Variants in CNTNAP2 observed in about 807,000 individuals in gnomAD.
The protein encoded by CNTNAP2 is contactin associated protein 2.
CNTNAP2 carries 98 observed loss-of-function variants against 155.2 expected under a neutral mutation model. The ratio of observed to expected loss-of-function variants is 0.63; its 90% CI spans 0.54 to 0.75. The LOEUF (loss-of-function observed/expected upper bound fraction) is 0.75. Ranked by LOEUF, CNTNAP2 falls within the 30% of genes least tolerant of loss-of-function variation. The pLI is 0.00. For missense variants in CNTNAP2, 1,727 were observed against 1,688.1 expected (o/e 1.02, Z -0.40); for synonymous variants, 651 against 631.2 (o/e 1.03, Z -0.47).
intron 4 of CNTNAP2, among the ~76,000 whole-genome samples, chr7:147,046,590 G>C (rs558492610): frequency 2.0e-5 from 3 of 150,548 alleles, no homozygotes; most frequent in African/African-American, 7.5e-5. Context: ...TATAGACTTG[G>C]GGGGGTAATA....
intron 13 of CNTNAP2, among the ~76,000 whole-genome samples, chr7:147,758,296 G>T (rs12540410): frequency 0.011 from 1,705 of 152,266 alleles, 98 homozygotes; most frequent in Admixed American, 0.088. Flanking sequence ...CACCGAAAAT[G>T]TATCTCTTAA....
chr7:147,549,033 T>A (rs371926955), intron 11 of CNTNAP2, among the ~76,000 whole-genome samples: 2 of 152,214 alleles, frequency 1.3e-5, no homozygotes, highest in African/African-American at 4.8e-5. Context: ...TGAAGTCAGA[T>A]AGCATGATGC....
At chr7:147,144,070 A>T (rs1459556217) in intron 8 of CNTNAP2, among the ~76,000 whole-genome samples, 7 of 152,102 alleles carry the variant, frequency 4.6e-5, no homozygotes, top group African/African-American at 1.7e-4. Flanking sequence ...TCTACTTGAG[A>T]TCTCAGATCT....
rs1317582927 is a variant in CNTNAP2 at position 148,417,007 on chromosome 7, A to G, written c.*1391A>G. The stretch of plus-strand genomic sequence containing the variant: ...GACAATGCATCCAAAAAATCTTTTT[A>G]AACAGATTACACAAAAATTATTTCC... On this transcript the variant is annotated 3_prime_UTR_variant, in exon 24 of 24. Coordinates refer to ENST00000361727, the MANE Select transcript of CNTNAP2 (RefSeq NM_014141.6). 1 of 152,216 alleles carries G rather than the reference A, an allele frequency of 6.6e-6. No homozygotes were observed. 9.4% of individuals were successfully genotyped at this position (152,216 alleles called of 1,614,324 possible).
intron 19 of CNTNAP2, among the ~76,000 whole-genome samples, chr7:148,222,643 T>C (rs1407327838): frequency 6.6e-6 from 1 of 152,184 alleles, no homozygotes; most frequent in Admixed American, 6.5e-5. Flanking sequence ...CCTCTCAATA[T>C]ACCCATATTA....
intron 16 of CNTNAP2, among the ~76,000 whole-genome samples, chr7:148,131,505 A>G (rs1804831419): frequency 6.6e-6 from 1 of 152,206 alleles, no homozygotes; most frequent in Non-Finnish European, 1.5e-5. Flanking sequence ...TGGCCTGCCT[A>G]TGACCATCTG....
At chr7:147,226,399 C>CA (rs1421418791) in intron 8 of CNTNAP2, among the ~76,000 whole-genome samples, 4 of 152,058 alleles carry the variant, frequency 2.6e-5, no homozygotes, top group Non-Finnish European at 5.9e-5. Flanking sequence ...GGTCTAAAAA[C>CA]AATCATTTAT....
chr7:148,164,644 G>A (rs1323611643), intron 17 of CNTNAP2, among the ~76,000 whole-genome samples: 15 of 112,110 alleles, frequency 1.3e-4, no homozygotes, highest in East Asian at 2.6e-4. Flanking sequence ...TTTTTGAGAC[G>A]GAGTTTCACT....
intron 3 of CNTNAP2, among the ~76,000 whole-genome samples, chr7:146,869,349 C>G (rs1795263530): frequency 6.6e-6 from 1 of 152,056 alleles, no homozygotes; most frequent in Non-Finnish European, 1.5e-5. Flanking sequence ...GTTGAAATAA[C>G]CTTGCATCCC....
intron 21 of CNTNAP2, among the ~76,000 whole-genome samples, chr7:148,327,855 A>G (rs1797919120): frequency 6.6e-6 from 1 of 150,882 alleles, no homozygotes; most frequent in African/African-American, 2.4e-5. Flanking sequence ...CACCGCCCCC[A>G]CCCCTTTCTC....
rs1402024287 is a variant in CNTNAP2, at chr7:148,413,426, ATATATATATATATATATATATT to A, written c.3797-1990_3797-1969del. 1.2e-4 allele frequency among the ~76,000 whole-genome samples: 12 copies of A among 100,244 alleles called. 3 individuals are homozygous for A. The highest frequency in any genetic ancestry group is 4.7e-4 in the African/African-American group (12 of 25,334). The allele number at this position is 100,244 out of a possible 152,430, so 65.8% of individuals were successfully genotyped here. A position where few individuals can be genotyped will look rare whatever the true frequency, so the allele number is the denominator to read the frequency against. ...AATATATATATATATATATATATAT[ATATATATATATATATATATATT>A]GCTCCATAGTTTTCTTGTAACATTT... On this transcript the variant is annotated intron_variant, in intron 23 of 23. Transcript: ENST00000361727.
At chr7:148,193,830 T>C (rs1290945580) in intron 18 of CNTNAP2, among the ~76,000 whole-genome samples, 2 of 151,876 alleles carry the variant, frequency 1.3e-5, no homozygotes, top group Non-Finnish European at 2.9e-5. Context: ...CCATGGAGCC[T>C]CCCATTGTTC....
chr7:147,194,088 C>A (rs901505308), intron 8 of CNTNAP2, among the ~76,000 whole-genome samples: 2 of 151,864 alleles, frequency 1.3e-5, no homozygotes, highest in African/African-American at 2.4e-5. Flanking sequence ...CCTGACCCCC[C>A]ACCCCCCAAC....
At chr7:146,707,630 C>G (rs986265279) in intron 1 of CNTNAP2, among the ~76,000 whole-genome samples, 1 of 152,090 alleles carries the variant, frequency 6.6e-6, no homozygotes, top group Non-Finnish European at 1.5e-5. Context: ...TCAGAAGGGC[C>G]TTGCTCTTTA....
intron 15 of CNTNAP2, among the ~76,000 whole-genome samples, chr7:148,103,849 A>G (rs1482137654): frequency 6.6e-6 from 1 of 152,176 alleles, no homozygotes; most frequent in Non-Finnish European, 1.5e-5. Context: ...GGATATATGA[A>G]TTCTAAGGAA....
At chr7:146,922,802 AG>A (rs1383558602) in intron 3 of CNTNAP2, among the ~76,000 whole-genome samples, 1 of 152,186 alleles carries the variant, frequency 6.6e-6, no homozygotes, top group Non-Finnish European at 1.5e-5. Flanking sequence ...TGCCTGGAAC[AG>A]GTTAACTGTT....
intron 1 of CNTNAP2, among the ~76,000 whole-genome samples, chr7:146,726,305 T>C (rs1801430052): frequency 6.6e-6 from 1 of 152,334 alleles, no homozygotes; most frequent in South Asian, 2.1e-4. Context: ...TATGATTTGA[T>C]TGTAAAACAA....
chr7:147,719,857 A>G lies in CNTNAP2; in HGVS notation c.2098+80551A>G, dbSNP rs963287138. Among the ~76,000 whole-genome samples, 21 of 152,028 alleles carry G rather than the reference A, an allele frequency of 1.4e-4. 1 individual carries two copies. Among genetic ancestry groups the G allele is most frequent in the Admixed American group, 1.4e-3 (21 of 15,246 alleles). On this transcript the variant is annotated intron_variant, in intron 13 of 23. Coordinates refer to ENST00000361727, the MANE Select transcript of CNTNAP2 (RefSeq NM_014141.6). ...CATCCACCTCTTTATATTTCCTTCAACAGACAAGGTTTTATTTTCCATGTC... is the reference window on the plus strand; with the variant it reads ...CATCCACCTCTTTATATTTCCTTCAGCAGACAAGGTTTTATTTTCCATGTC...
At chr7:147,928,814 G>A (rs1305528584) in intron 14 of CNTNAP2, among the ~76,000 whole-genome samples, 2 of 151,936 alleles carry the variant, frequency 1.3e-5, no homozygotes, top group African/African-American at 4.8e-5. Flanking sequence ...AAATCGGCCG[G>A]GTGCGGTGGC....
Sources: gnomAD v4.1 joint callset for allele counts (sites outside exome capture counted in the v4.1 genomes callset) on GRCh38, gnomAD v4.1.1 for gene constraint, MANE v1.5 for transcripts, NCBI Gene and HGNC (gene_info 2026-07-23, HGNC 2026-07-21) for gene names.